The following GSG1L2 variants were observed in gnomAD, a reference collection of about 807,000 sequenced individuals.
GSG1L2 encodes GSG1 like 2.
Under a neutral mutation model 9.0 loss-of-function variants are expected in GSG1L2, and 15 were observed. That is an observed-to-expected ratio of 1.67 (90% CI 1.12 to 2.57). The LOEUF (loss-of-function observed/expected upper bound fraction) is 2.57, where lower values mean the gene tolerates loss of function less well. Among genes scored for constraint, GSG1L2 ranks in the 30% most tolerant of loss-of-function variants. GSG1L2 has a pLI of 0.00. For synonymous variants in GSG1L2, 127 were observed against 57.9 expected, an observed-to-expected ratio of 2.19 and a Z score of -5.41; for missense variants, 286 against 150.3, an observed-to-expected ratio of 1.90 and a Z score of -4.72.
intron 2 of GSG1L2, 89 bp from the exon 3 acceptor site, chr17:9,809,071 A>C (rs2066527937): frequency 1.5e-6 from 1 of 659,058 alleles, no homozygotes; most frequent in Admixed American, 2.2e-5. Flanking sequence ...TCACTTCTAA[A>C]CAAAACATGA....
intron 4 of GSG1L2, chr17:9,805,492 G>A (rs113058585): frequency 1.8e-4 from 27 of 152,270 alleles, no homozygotes; most frequent in South Asian, 1.5e-3. Flanking sequence ...AATGATTTCC[G>A]GCAGAGAATT....
At chr17:9,816,514 G>C (rs1167955885) in intron 1 of GSG1L2, among the ~76,000 whole-genome samples, 2 of 129,510 alleles carry the variant, frequency 1.5e-5, no homozygotes, top group African/African-American at 5.9e-5. Context: ...CTGTCTGTGT[G>C]TGCGTGTCTG....
chr17:9,808,681 A>C (rs990980941), intron 3 of GSG1L2, 149 bp downstream of exon 3: 1 of 571,162 alleles, frequency 1.8e-6, no homozygotes, highest in African/African-American at 1.9e-5. Flanking sequence ...AATGGAATTC[A>C]TTGGTGACTT....
rs1269470691 is a variant in GSG1L2, at chr17:9,801,289, C to A, written c.*1097G>T. ...ATGGCGCGATCTCTGCTCACTGCAACCTCCACCTCCCAGGTTCAAGCGATT... is the reference window on the plus strand; with the variant it reads ...ATGGCGCGATCTCTGCTCACTGCAAACTCCACCTCCCAGGTTCAAGCGATT... On this transcript the variant is annotated 3_prime_UTR_variant, in exon 5 of 5. Coordinates refer to ENST00000399363, the MANE Select transcript of GSG1L2 (RefSeq NM_001310219.2). Among the ~76,000 whole-genome samples the A allele has an allele frequency of 6.6e-6, 1 of 152,020 alleles. No homozygotes were observed. Among genetic ancestry groups the A allele is most frequent in the Non-Finnish European group, 1.5e-5 (1 of 67,996 alleles).
chr17:9,805,017 T>C (rs1300517685), intron 4 of GSG1L2: 3 of 151,646 alleles, frequency 2.0e-5, no homozygotes. Flanking sequence ...AAGTCCAAAA[T>C]AAGAATTCAA....
chr17:9,816,766 TG>T (rs2066566601), intron 1 of GSG1L2, among the ~76,000 whole-genome samples: 1 of 38,204 alleles, frequency 2.6e-5, no homozygotes, highest in Admixed American at 4.5e-4. Flanking sequence ...TCTGTGTCTG[TG>T]TGTGCGTGTG....
In GSG1L2 at chr17:9,802,576, G is replaced by A; in HGVS notation, c.692C>T (p.Ala231Val). ...CTGCTTCTCGGTGAATTCCAGGCGG[G>A]CTGCCGTGAACCTGCTCATGGCCGA... ...SVSAMSRFTA[A>V]RLEFTEKQQA... The change falls in exon 5 of 5, where the codon GCC becomes GTC. Residue 231 changes from alanine to valine, a missense_variant. Ala to Val is a moderately conservative substitution (Grantham distance 64, BLOSUM62 0). Transcript: ENST00000399363. 1.4e-6 allele frequency: 1 copy of A among 702,608 alleles called. No homozygotes were observed. Among genetic ancestry groups the A allele is most frequent in the East Asian group, 2.7e-5 (1 of 37,276 alleles). The allele number at this position is 702,608 out of a possible 1,614,324, so 43.5% of individuals were successfully genotyped here.
chr17:9,802,612 G>A lies in GSG1L2; in HGVS notation c.656C>T (p.Ala219Val). 1 of 702,966 alleles carries A rather than the reference G, an allele frequency of 1.4e-6. No homozygotes were observed. Among genetic ancestry groups the A allele is most frequent in the Non-Finnish European group, 2.6e-6 (1 of 385,006 alleles). 43.5% of individuals were successfully genotyped at this position (702,966 alleles called of 1,614,324 possible). ...CCTGCTCATGGCCGAGACCGACACA[G>A]CCAGGCAGAGGGCGAAAGAACCCCA... ...LAWGSFALCL[A>V]VSVSAMSRFT... Residue 219 changes from alanine to valine, a missense_variant, in exon 5 of 5, where the codon GCT becomes GTT. Coordinates refer to ENST00000399363, the MANE Select transcript of GSG1L2 (RefSeq NM_001310219.2).
At chr17:9,816,302 A>T (rs11651190) in intron 1 of GSG1L2, among the ~76,000 whole-genome samples, 78,787 of 152,102 alleles carry the variant, frequency 0.52, 21,493 homozygotes, top group East Asian at 0.99. Context: ...TGTGCTCCTG[A>T]CAGTATGGGA....
chr17:9,821,046 T>C (rs1444110397), intron 1 of GSG1L2, among the ~76,000 whole-genome samples: 1 of 152,100 alleles, frequency 6.6e-6, no homozygotes, highest in Non-Finnish European at 1.5e-5. Flanking sequence ...GAAAAGGCAA[T>C]TAGAAACTCC....
intron 1 of GSG1L2, among the ~76,000 whole-genome samples, chr17:9,816,687 CTG>C (rs954564117): frequency 4.8e-5 from 6 of 124,512 alleles, no homozygotes; most frequent in Non-Finnish European, 8.4e-5. Context: ...GTGTGTGTGT[CTG>C]TGTATGTGTG....
chr17:9,802,677 G>A (rs1158737955), intron 4 of GSG1L2, 33 bp from the exon 5 acceptor site: 1 of 696,066 alleles, frequency 1.4e-6, no homozygotes, highest in East Asian at 2.7e-5. Flanking sequence ...GGAAAGGGCT[G>A]AGGGCTGTGA....
Position 9,801,763 on chromosome 17 carries a change from A to T in GSG1L2, c.*623T>A, listed in dbSNP as rs188944426. Among the ~76,000 whole-genome samples, 1 of 152,258 alleles carries T rather than the reference A, an allele frequency of 6.6e-6. No individual in the cohort carries two copies. Among genetic ancestry groups the T allele is most frequent in the Non-Finnish European group, 1.5e-5 (1 of 68,046 alleles). Reference sequence around the variant, plus strand: ...TCCACTTAAACTAAGATAAGATGTCATTCCATTTGACTGTGTTTTCATTTC... The same window carrying T: ...TCCACTTAAACTAAGATAAGATGTCTTTCCATTTGACTGTGTTTTCATTTC... On this transcript the variant is annotated 3_prime_UTR_variant, in exon 5 of 5. Transcript: ENST00000399363.
chr17:9,821,868 ATTG>A lies in GSG1L2; in HGVS notation c.201_203del (p.Asn68del), dbSNP rs1431048071. 1 of 703,210 alleles carries A rather than the reference ATTG, an allele frequency of 1.4e-6. No individual in the cohort carries two copies. The highest frequency in any genetic ancestry group is 2.6e-6 in the Non-Finnish European group (1 of 385,026). 43.6% of individuals were successfully genotyped at this position (703,210 alleles called of 1,614,324 possible). ...CCCAAATGTACAGGACAGCCTGGCT[ATTG>A]TTGTCCATCCTGCCATTGCTGCTGT... On this transcript the variant is annotated inframe_deletion, in exon 1 of 5. Transcript: ENST00000399363.
chr17:9,807,492 A>G lies in GSG1L2; in HGVS notation c.621T>C (p.Tyr207=), dbSNP rs1441833071. 4 of 702,648 alleles carry G rather than the reference A, an allele frequency of 5.7e-6. No homozygotes were observed. Among genetic ancestry groups the G allele is most frequent in the African/African-American group, 1.7e-5 (1 of 57,234 alleles). 43.5% of individuals were successfully genotyped at this position (702,648 alleles called of 1,614,324 possible). A position where few individuals can be genotyped will look rare whatever the true frequency, so the allele number is the denominator to read the frequency against. The part of the protein sequence containing the change: ...KPQTWDYGWS[Y]CLAWGSFALC... The stretch of plus-strand genomic sequence containing the variant: ...AGCACCATGACCAAGCAACTTACCA[A>G]TATGACCAGCCATAGTCCCAGGTCT... Residue 207 remains tyrosine, a splice_region_variant and synonymous_variant, in exon 4 of 5, where the codon TAT becomes TAC. Transcript: ENST00000399363.
intron 2 of GSG1L2, chr17:9,809,421 G>A (rs188336428): frequency 1.6e-4 from 29 of 185,480 alleles, no homozygotes; most frequent in African/African-American, 4.9e-4. Flanking sequence ...GCGGTAGCAA[G>A]GTTTATTGTG....
At chr17:9,819,251 T>G (rs887943632) in intron 1 of GSG1L2, among the ~76,000 whole-genome samples, 1 of 152,204 alleles carries the variant, frequency 6.6e-6, no homozygotes, top group East Asian at 1.9e-4. Flanking sequence ...AGCACCTACT[T>G]TGATGCTATA....
intron 1 of GSG1L2, among the ~76,000 whole-genome samples, chr17:9,818,501 ATT>A (rs377057350): frequency 0.013 from 1,060 of 82,696 alleles, 4 homozygotes; most frequent in African/African-American, 0.045. Context: ...ACACAGCTAA[ATT>A]TTTTTTTTTT....
At chr17:9,811,957 G>C (rs1009256243) in intron 1 of GSG1L2, among the ~76,000 whole-genome samples, 1 of 151,604 alleles carries the variant, frequency 6.6e-6, no homozygotes, top group South Asian at 2.1e-4. Flanking sequence ...CAAAGGAATG[G>C]CATTCTTATC....
Sources: allele counts gnomAD v4.1 joint callset (sites outside exome capture counted in the v4.1 genomes callset), GRCh38; gene constraint gnomAD v4.1.1; transcripts MANE v1.5; gene names NCBI Gene and HGNC (gene_info 2026-07-23, HGNC 2026-07-21).